JAKMIP3: variants seen among roughly 807,000 people sequenced by gnomAD.
JAKMIP3 encodes janus kinase and microtubule-interacting protein 3.
JAKMIP3 carries 58 observed loss-of-function variants against 118.5 expected under a neutral mutation model. The ratio of observed to expected loss-of-function variants is 0.49; its 90% CI spans 0.40 to 0.61. The LOEUF is 0.61. Among genes scored for constraint, JAKMIP3 ranks in the 20% least tolerant of loss-of-function variants. The pLI is 0.00. For synonymous variants in JAKMIP3, 486 were observed against 451.2 expected (o/e 1.08, Z -0.98); for missense variants, 950 against 1,109.0 (o/e 0.86, Z 2.04).
chr10:132,060,882 T>C (rs2038372708), upstream of JAKMIP3, among the ~76,000 whole-genome samples: 1 of 151,988 alleles, frequency 6.6e-6, no homozygotes, highest in South Asian at 2.1e-4. Context: ...TAGCTGAGCA[T>C]GGTGGTGGGT....
chr10:132,126,425 C>G (rs2814187), intron 3 of JAKMIP3, among the ~76,000 whole-genome samples: 1 of 151,700 alleles, frequency 6.6e-6, no homozygotes, highest in South Asian at 2.1e-4. Context: ...ACCTCAGCCT[C>G]CTGAGTAGCT....
At chr10:132,141,816 T>C in intron 10 of JAKMIP3, 104 bp from the exon 11 acceptor site, 1 of 1,233,468 alleles carries the variant, frequency 8.1e-7, no homozygotes, top group South Asian at 1.4e-5. Flanking sequence ...CCATACACCA[T>C]TTGATATCTG....
At chr10:132,160,163 G>A (rs1469179267) in intron 19 of JAKMIP3, among the ~76,000 whole-genome samples, 2 of 56,808 alleles carry the variant, frequency 3.5e-5, no homozygotes, top group Admixed American at 1.9e-4. Flanking sequence ...GATGCTAGGG[G>A]GTCTCTTCCT....
chr10:132,131,475 G>A (rs374055051), intron 3 of JAKMIP3, among the ~76,000 whole-genome samples: 14 of 151,138 alleles, frequency 9.3e-5, no homozygotes, highest in Admixed American at 2.0e-4. Flanking sequence ...TGTCGGGCCC[G>A]GGGAGATGGG....
At position 132,137,129 on chromosome 10, in the gene JAKMIP3, C is replaced by T; in HGVS notation, c.1227C>T (p.Asn409=). 5.6e-6 allele frequency: 9 copies of T among 1,613,960 alleles called. No homozygotes were observed. Among genetic ancestry groups the T allele is most frequent in the Non-Finnish European group, 7.6e-6 (9 of 1,179,882 alleles). ...FLKLQIVEQQ[N]LIDELSKTLE... ...AGCTTCAGATTGTGGAGCAGCAAAA[C>T]CTCATAGATGAACTGTCTAAGGTAC... Residue 409 remains asparagine (N), a synonymous_variant, in exon 7 of 24, where the codon AAC becomes AAT. Coordinates refer to ENST00000684848, the MANE Select transcript of JAKMIP3 (RefSeq NM_001323087.2).
In JAKMIP3 at chr10:132,058,547, G is replaced by A. The variant is rs374056586; in HGVS notation, c.-138+21809G>A. ...CAGAGAACCCTCCTCCCCGGAGGCC[G>A]CTCCCCTGGGCACGCAGGTGGTGAA... On this transcript the variant is annotated intron_variant, in intron 1 of 23. Transcript: ENST00000657785. 8.5e-5 allele frequency among the ~76,000 whole-genome samples: 13 copies of A among 152,350 alleles called. 1 individual carries two copies. The South Asian group carries it at 1.2e-3, about 15-fold the overall frequency.
At chr10:132,149,143 G>A (rs2055304371) in intron 14 of JAKMIP3, among the ~76,000 whole-genome samples, 1 of 152,100 alleles carries the variant, frequency 6.6e-6, no homozygotes. Flanking sequence ...TGGGCTCAGG[G>A]TGGGACTGCC....
intron 2 of JAKMIP3, among the ~76,000 whole-genome samples, chr10:132,115,259 G>A (rs11146192): frequency 2.2e-5 from 2 of 91,272 alleles, no homozygotes; most frequent in East Asian, 4.5e-4. Flanking sequence ...TCACCCTGGT[G>A]GGTCACCGCG....
chr10:132,183,279 C>G lies in JAKMIP3; in HGVS notation c.*2026C>G, dbSNP rs1046115141. ...CTACCTGGCTCCCTGCCAGCCTGGC[C>G]TCCTCCTCTGGGAGAGCTCCTGGCA... On this transcript the variant is annotated 3_prime_UTR_variant, in exon 24 of 24. Coordinates refer to ENST00000684848, the MANE Select transcript of JAKMIP3 (RefSeq NM_001323087.2). The G allele has an allele frequency of 6.6e-6, 1 of 152,236 alleles. No individual in the cohort carries two copies. Among genetic ancestry groups the G allele is most frequent in the Non-Finnish European group, 1.5e-5 (1 of 68,048 alleles). 9.4% of individuals were successfully genotyped at this position (152,236 alleles called of 1,614,324 possible).
intron 1 of JAKMIP3, among the ~76,000 whole-genome samples, chr10:132,068,064 CG>C (rs1564861652): frequency 7.4e-6 from 1 of 135,706 alleles, no homozygotes; most frequent in Non-Finnish European, 1.5e-5. Flanking sequence ...TGTGGGCTTC[CG>C]TGTGGACTGT....
intron 23 of JAKMIP3, among the ~76,000 whole-genome samples, chr10:132,180,542 TGTGCGTGCGTGCATGC>T (rs1212499706): frequency 6.9e-4 from 22 of 31,760 alleles, no homozygotes; most frequent in African/African-American, 2.8e-3. Context: ...TGTGTGTGTG[TGTGCGTGCGTGCATGC>T]GTGTGTGTGC....
chr10:132,142,490 G>GTCTC (rs2053724069), intron 11 of JAKMIP3, among the ~76,000 whole-genome samples: 1 of 152,078 alleles, frequency 6.6e-6, no homozygotes, highest in African/African-American at 2.4e-5. Context: ...CCCGGCCCCG[G>GTCTC]CCCCGGCCCC....
intron 23 of JAKMIP3, among the ~76,000 whole-genome samples, chr10:132,180,913 G>C (rs1011756215): frequency 2.0e-5 from 3 of 152,092 alleles, no homozygotes; most frequent in African/African-American, 7.2e-5. Flanking sequence ...CATTGCATGT[G>C]CCTGTATGTG....
intron 19 of JAKMIP3, among the ~76,000 whole-genome samples, chr10:132,162,134 G>A (rs949521657): frequency 6.6e-6 from 1 of 152,060 alleles, no homozygotes; most frequent in Non-Finnish European, 1.5e-5. Flanking sequence ...CTGCTTCTGG[G>A]AGACACTGGG....
intron 19 of JAKMIP3, 93 bp downstream of exon 19, chr10:132,154,083 T>G: frequency 8.7e-7 from 1 of 1,150,928 alleles, no homozygotes; most frequent in South Asian, 1.3e-5. Flanking sequence ...CAGGTGCCCA[T>G]GTGGGCCAGG....
intron 1 of JAKMIP3, among the ~76,000 whole-genome samples, chr10:132,085,797 C>A (rs529589089): frequency 6.6e-6 from 1 of 152,280 alleles, no homozygotes; most frequent in African/African-American, 2.4e-5. Context: ...CTGCACCTGG[C>A]CTTATTTCTT....
At chr10:132,042,668 A>G (rs563732617) in intron 1 of JAKMIP3, among the ~76,000 whole-genome samples, 74 of 152,240 alleles carry the variant, frequency 4.9e-4, no homozygotes, top group African/African-American at 1.8e-3. Context: ...TAGCCAGGCC[A>G]TAGCATCCTG....
chr10:132,061,246 A>G (rs11146141), upstream of JAKMIP3, among the ~76,000 whole-genome samples: 70 of 56,224 alleles, frequency 1.2e-3, no homozygotes, highest in Middle Eastern at 9.8e-3. Context: ...GTGACGGCGC[A>G]CACACACACC....
At chr10:132,162,499 C>G (rs761493722) in intron 19 of JAKMIP3, among the ~76,000 whole-genome samples, 31 of 152,298 alleles carry the variant, frequency 2.0e-4, no homozygotes, top group Non-Finnish European at 3.4e-4. Flanking sequence ...GGTTGATGTG[C>G]GAGCTGGTTG....
Sources: gnomAD v4.1 joint callset for allele counts (sites outside exome capture counted in the v4.1 genomes callset) on GRCh38, gnomAD v4.1.1 for gene constraint, MANE v1.5 for transcripts, NCBI Gene and HGNC (gene_info 2026-07-23, HGNC 2026-07-21) for gene names.